NCAPH2: variants seen among roughly 807,000 people sequenced by gnomAD.
NCAPH2 encodes the protein condensin-2 complex subunit H2.
NCAPH2 carries 56 observed loss-of-function variants against 88.6 expected under a neutral mutation model. That is an observed-to-expected ratio of 0.63 (90% CI 0.51 to 0.79). The LOEUF (loss-of-function observed/expected upper bound fraction) is 0.79, where lower values mean the gene tolerates loss of function less well. Ranked by LOEUF, NCAPH2 falls within the 30% of genes least tolerant of loss-of-function variation. The pLI is 0.00. For synonymous variants in NCAPH2, 378 were observed against 313.6 expected, an observed-to-expected ratio of 1.21 and a Z score of -2.17; for missense variants, 794 against 792.0, an observed-to-expected ratio of 1.00 and a Z score of -0.03.
In NCAPH2 at chr22:50,523,026, G is replaced by A. The variant is rs766420914; in HGVS notation, c.1537G>A (p.Val513Met). The change falls in exon 19 of 20, where the codon GTG (valine) becomes ATG (methionine). Residue 513 changes from valine (V) to methionine (M), a missense_variant. Val to Met is a conservative substitution (Grantham distance 21). Transcript: ENST00000420993. The part of the protein sequence containing the change: ...QPLLQEQEQH[V>M]PFDIHTYGDQ... The stretch of plus-strand genomic sequence containing the variant: ...CCCCTCCCCTGTGCAGGAGCAGCAT[G>A]TGCCCTTTGACATCCACACCTATGG... 10 of 1,601,504 alleles carry A rather than the reference G, an allele frequency of 6.2e-6. No individual in the cohort carries two copies. The Admixed American group carries it at 1.5e-4, about 24-fold the overall frequency.
At chr22:50,518,507 T>A in intron 7 of NCAPH2, 142 bp from the exon 8 acceptor site, 2 of 1,042,162 alleles carry the variant, frequency 1.9e-6, no homozygotes, top group Non-Finnish European at 2.7e-6. Context: ...CTCAGGGCCC[T>A]GCTGTCTCCC....
chr22:50,509,970 A>T (rs2068740941), intron 1 of NCAPH2, among the ~76,000 whole-genome samples: 1 of 151,972 alleles, frequency 6.6e-6, no homozygotes, highest in South Asian at 2.1e-4. Flanking sequence ...TCACTCTGAG[A>T]CGGAAGTGCA....
chr22:50,512,481 C>T (rs1437576978), intron 1 of NCAPH2, among the ~76,000 whole-genome samples: 1 of 151,036 alleles, frequency 6.6e-6, no homozygotes, highest in Admixed American at 6.6e-5. Context: ...CTAGTATTAT[C>T]TTTTTCCTTC....
In NCAPH2 at chr22:50,519,172, C is replaced by G. The variant is rs778548681; in HGVS notation, c.731-18C>G. On this transcript the variant is annotated intron_variant, in intron 8 of 19. Transcript: ENST00000420993. Reference sequence around the variant, plus strand: ...TCGGCACTCCTTGGAGCTGATCACTCTCTTGCTCCCTGCCTAGGCCCCTCT... The same window carrying G: ...TCGGCACTCCTTGGAGCTGATCACTGTCTTGCTCCCTGCCTAGGCCCCTCT... The G allele has an allele frequency of 9.5e-5, 151 of 1,596,722 alleles. No homozygotes were observed. The highest frequency in any genetic ancestry group is 1.2e-4 in the Non-Finnish European group (144 of 1,173,022).
At chr22:50,518,989 A>G (rs2069006029) in intron 8 of NCAPH2, among the ~76,000 whole-genome samples, 1 of 152,164 alleles carries the variant, frequency 6.6e-6, no homozygotes, top group South Asian at 2.1e-4. Context: ...GGCTGCATTT[A>G]AAGAGGAACA....
intron 7 of NCAPH2, 93 bp downstream of exon 7, chr22:50,518,371 C>G: frequency 2.0e-6 from 3 of 1,517,658 alleles, no homozygotes; most frequent in Non-Finnish European, 8.9e-7. Context: ...CACCTCTGGT[C>G]TTGGGAGCTC....
intron 1 of NCAPH2, among the ~76,000 whole-genome samples, chr22:50,510,983 A>T (rs928010248): frequency 1.4e-5 from 2 of 147,240 alleles, no homozygotes; most frequent in Non-Finnish European, 3.0e-5. Context: ...AGTAGCTGGG[A>T]CTACAGGCAC....
chr22:50,514,207 C>A (rs529203140), intron 1 of NCAPH2, among the ~76,000 whole-genome samples: 1 of 152,064 alleles, frequency 6.6e-6, no homozygotes, highest in African/African-American at 2.4e-5. Context: ...ATGGAGGCCT[C>A]CCTCTGGCTC....
chr22:50,519,118 C>T (rs2069009605), intron 8 of NCAPH2, 72 bp from the exon 9 acceptor site: 2 of 1,390,774 alleles, frequency 1.4e-6, no homozygotes, highest in South Asian at 1.5e-5. Flanking sequence ...AGGAAGTAGC[C>T]ATCAGGGTCC....
In NCAPH2 at chr22:50,524,347, A is replaced by T. The variant is rs2069233313; in HGVS notation, c.*972A>T. ...GGCCTGGCCTCCCAGGGTCCCAGGG[A>T]GGACCCGAGGCTTGAGCTGAGAGAG... On this transcript the variant is annotated 3_prime_UTR_variant, in exon 20 of 20. Coordinates refer to ENST00000420993, the MANE Select transcript of NCAPH2 (RefSeq NM_152299.4). 6.2e-7 allele frequency: 1 copy of T among 1,601,784 alleles called. No homozygotes were observed. The highest frequency in any genetic ancestry group is 1.3e-5 in the African/African-American group (1 of 74,882).
At position 50,522,612 on chromosome 22, in the gene NCAPH2, C is replaced by T. The variant is rs377723240; in HGVS notation, c.1375+43C>T. On this transcript the variant is annotated intron_variant, in intron 16 of 19. Transcript: ENST00000420993. ...TAGGAGTGCTGAGGGGCCACTGGAG[C>T]TGGGGGCAGGGGAGAGCGTGGCCCC... The T allele has an allele frequency of 7.4e-6, 12 of 1,613,486 alleles. No homozygotes were observed. In the African/African-American group the frequency reaches 1.6e-4, roughly 22 times the overall value.
At chr22:50,519,399 A>G in intron 9 of NCAPH2, 79 bp downstream of exon 9, 1 of 1,581,308 alleles carries the variant, frequency 6.3e-7, no homozygotes, top group Non-Finnish European at 8.6e-7. Flanking sequence ...ACCTTGCACA[A>G]GGAGGACAGT....
At chr22:50,513,405 G>A (rs896707198) in intron 1 of NCAPH2, among the ~76,000 whole-genome samples, 4 of 150,664 alleles carry the variant, frequency 2.7e-5, no homozygotes, top group African/African-American at 9.8e-5. Flanking sequence ...TTGGGGGGCC[G>A]AGGTGGCTCA....
At position 50,508,456 on chromosome 22, in the gene NCAPH2, CG is replaced by C. The variant is rs2068686020; in HGVS notation, c.108+16del. The C allele has an allele frequency of 5.8e-6, 1 of 172,336 alleles. No individual in the cohort carries two copies. Among genetic ancestry groups the C allele is most frequent in the South Asian group, 8.3e-5 (1 of 12,020 alleles). The allele number at this position is 172,336 out of a possible 1,614,324, so 10.7% of individuals were successfully genotyped here. A position where few individuals can be genotyped will look rare whatever the true frequency, so the allele number is the denominator to read the frequency against. ...GAGTATCTGGAGGAGGTAAGGGCGG[CG>C]GGGGAGTGACGCGGGGTGGGCCGGC... On this transcript the variant is annotated intron_variant, in intron 1 of 19. Coordinates refer to ENST00000420993, the MANE Select transcript of NCAPH2 (RefSeq NM_152299.4).
rs2069151513 is a variant in NCAPH2 at position 50,522,803 on chromosome 22, C to T, written c.1426-18C>T. ...GCCCCTGCTTGGGAGGCAGTAGCTC[C>T]TGCTGATCCTCCCCTAGGAGCTCTT... On this transcript the variant is annotated intron_variant, in intron 17 of 19. Transcript: ENST00000420993. The T allele has an allele frequency of 3.7e-6, 6 of 1,612,992 alleles. No homozygotes were observed. The highest frequency in any genetic ancestry group is 2.2e-5 in the East Asian group (1 of 44,862).
intron 10 of NCAPH2, among the ~76,000 whole-genome samples, chr22:50,521,322 G>A: frequency 7.3e-6 from 1 of 137,582 alleles, no homozygotes; most frequent in Non-Finnish European, 1.5e-5. Context: ...TACTCCTCTG[G>A]GAGGGTGGCT....
chr22:50,517,235 G>A (rs2068949821), intron 2 of NCAPH2, among the ~76,000 whole-genome samples, 192 bp from the exon 3 acceptor site: 1 of 152,252 alleles, frequency 6.6e-6, no homozygotes. Context: ...GGTGGCCTCA[G>A]CTGGTAAAGT....
intron 1 of NCAPH2, 33 bp downstream of exon 1, chr22:50,508,478 CCGGCGGGTGGGGCTGCGGGG>C: frequency 9.9e-7 from 1 of 1,007,024 alleles, no homozygotes; most frequent in Non-Finnish European, 1.3e-6. Flanking sequence ...GCGGGGTGGG[CCGGCGGGTGGGGCTGCGGGG>C]CGGGGGCTCC....
intron 1 of NCAPH2, among the ~76,000 whole-genome samples, chr22:50,509,474 C>T (rs1354718476): frequency 6.6e-6 from 1 of 152,164 alleles, no homozygotes; most frequent in Non-Finnish European, 1.5e-5. Context: ...ATAGTGAAGC[C>T]CCATGCTTAA....
Sources: gnomAD v4.1 joint callset for allele counts (sites outside exome capture counted in the v4.1 genomes callset) on GRCh38, gnomAD v4.1.1 for gene constraint, MANE v1.5 for transcripts, NCBI Gene and HGNC (gene_info 2026-07-23, HGNC 2026-07-21) for gene names.